The following EIF2AK2 variants were observed in gnomAD, a reference collection of about 807,000 sequenced individuals.
EIF2AK2 encodes the protein interferon-induced, double-stranded RNA-activated protein kinase.
Under a neutral mutation model 70.5 loss-of-function variants are expected in EIF2AK2, and 40 were observed. The observed-to-expected ratio is 0.57, with a 90% CI of 0.44 to 0.74. The LOEUF (loss-of-function observed/expected upper bound fraction) is 0.74, where lower values mean the gene tolerates loss of function less well. Ranked by LOEUF, EIF2AK2 falls within the 30% of genes least tolerant of loss-of-function variation. EIF2AK2 has a pLI of 0.00. For synonymous variants in EIF2AK2, 198 were observed against 220.9 expected (o/e 0.90, Z 0.92); for missense variants, 555 against 644.3 (o/e 0.86, Z 1.50).
At chr2:37,155,518 G>A (rs1675891080) in intron 1 of EIF2AK2, among the ~76,000 whole-genome samples, 1 of 152,092 alleles carries the variant, frequency 6.6e-6, no homozygotes, top group African/African-American at 2.4e-5. Flanking sequence ...TGATGCTGGA[G>A]GGTCAGCTAG....
chr2:37,113,498 C>CAAAAAAAAAAAAAAA (rs61174879), intron 14 of EIF2AK2, among the ~76,000 whole-genome samples: 1 of 33,056 alleles, frequency 3.0e-5, no homozygotes, highest in Non-Finnish European at 5.4e-5. Flanking sequence ...AACTCCATCT[C>CAAAAAAAAAAAAAAA]AAAAAAAAAA....
intron 11 of EIF2AK2, among the ~76,000 whole-genome samples, chr2:37,124,128 T>C (rs115474632): frequency 0.01 from 1,533 of 150,216 alleles, 22 homozygotes; most frequent in African/African-American, 0.034. Context: ...CCACCACACT[T>C]GGCTAGTTTT....
intron 13 of EIF2AK2, among the ~76,000 whole-genome samples, chr2:37,119,468 G>A (rs528767341): frequency 2.6e-5 from 4 of 152,204 alleles, no homozygotes; most frequent in South Asian, 4.1e-4. Flanking sequence ...CAGCCAGTTG[G>A]CTGTGCCAGT....
Position 37,146,875 on chromosome 2 carries a change from T to C in EIF2AK2, c.218A>G (p.Glu73Gly). The C allele has an allele frequency of 6.2e-7, 1 of 1,613,890 alleles. No homozygotes were observed. The change falls in exon 4 of 17, where the codon GAG (glutamate) becomes GGG (glycine). Residue 73 changes from glutamate (E) to glycine (G), a missense_variant. Transcript: ENST00000233057. The part of the protein sequence containing the change: ...AKNAAAKLAV[E>G]ILNKEKKAVS... ...CACCTTCTTTTCCTTATTAAGTATC[T>C]CAACAGCTAATTTGGCTGCGGCATT...
chr2:37,122,769 C>T (rs1674600682), intron 11 of EIF2AK2, 105 bp from the exon 12 acceptor site: 6 of 1,422,828 alleles, frequency 4.2e-6, no homozygotes, highest in Admixed American at 2.1e-5. Context: ...CTTATTAAAC[C>T]ATTGCTGTGG....
rs149392687 is a variant in EIF2AK2, at chr2:37,123,973, C to A, written c.909-1309G>T. On this transcript the variant is annotated intron_variant, in intron 11 of 16. Transcript: ENST00000233057. ...TCCTAAAATAATGTTATTTTAGATT[C>A]TTCCTTTTTTTTTTGAGACAGGGTC... Among the ~76,000 whole-genome samples, 598 of 150,804 alleles carry A rather than the reference C, an allele frequency of 4.0e-3. 5 individuals are homozygous for A. The highest frequency in any genetic ancestry group is 0.014 in the African/African-American group (571 of 40,548).
chr2:37,111,921 A>ATCTCTC (rs71396206), intron 14 of EIF2AK2, among the ~76,000 whole-genome samples: 6 of 107,828 alleles, frequency 5.6e-5, no homozygotes, highest in East Asian at 2.6e-4. Context: ...ATCATAATAA[A>ATCTCTC]TCTCTCTCTC....
At chr2:37,155,013 T>C (rs1675875765) in intron 1 of EIF2AK2, among the ~76,000 whole-genome samples, 1 of 152,088 alleles carries the variant, frequency 6.6e-6, no homozygotes, top group Admixed American at 6.6e-5. Flanking sequence ...GGCCCGGTCC[T>C]TAGACTTGCT....
rs555792749 is a variant in EIF2AK2 at position 37,111,230 on chromosome 2, G to A, written c.1378-1935C>T. On this transcript the variant is annotated intron_variant, in intron 14 of 16. Transcript: ENST00000233057. ...TAATCTGTGGATGTATGGTGGTGAT[G>A]AAAGCACAACAATGTGAACACATTT... Among the ~76,000 whole-genome samples the A allele has an allele frequency of 5.3e-5, 8 of 152,122 alleles. No homozygotes were observed. The East Asian group carries it at 1.5e-3, about 29-fold the overall frequency.
At chr2:37,119,915 T>C in intron 13 of EIF2AK2, 44 bp downstream of exon 13, 6 of 1,073,156 alleles carry the variant, frequency 5.6e-6, no homozygotes, top group Non-Finnish European at 7.2e-6. Context: ...TTAAAATTAC[T>C]ATATTATATA....
Position 37,137,010 on chromosome 2 carries a change from A to C in EIF2AK2, c.695T>G (p.Leu232Arg). ...LNSSSLLMNG[L>R]RNNQRKAKRS... ...TTTTGCCTTCCTTTGATTATTTCTGAGACCATTCTATAACAAAAGAAAATG... is the reference window on the plus strand; with the variant it reads ...TTTTGCCTTCCTTTGATTATTTCTGCGACCATTCTATAACAAAAGAAAATG... Residue 232 changes from leucine to arginine, a missense_variant, in exon 9 of 17, where the codon CTC becomes CGC. Coordinates refer to ENST00000233057, the MANE Select transcript of EIF2AK2 (RefSeq NM_001135651.3). The C allele has an allele frequency of 6.2e-7, 1 of 1,604,300 alleles. No homozygotes were observed. Among genetic ancestry groups the C allele is most frequent in the East Asian group, 2.2e-5 (1 of 44,606 alleles).
Position 37,107,531 on chromosome 2 carries a change from G to C in EIF2AK2, c.1480-4C>G, listed in dbSNP as rs762722961. 1 of 1,584,898 alleles carries C rather than the reference G, an allele frequency of 6.3e-7. No homozygotes were observed. Among genetic ancestry groups the C allele is most frequent in the Admixed American group, 1.8e-5 (1 of 54,916 alleles). On this transcript the variant is annotated splice_polypyrimidine_tract_variant and splice_region_variant and intron_variant, in intron 15 of 16. Transcript: ENST00000233057. Reference sequence around the variant, plus strand: ...CATCCCGTAGGTCTGTGAAAAACTGGAAAAAAAAATGATAGGTGTATATTA... The same window carrying C: ...CATCCCGTAGGTCTGTGAAAAACTGCAAAAAAAAATGATAGGTGTATATTA...
chr2:37,117,526 G>A (rs572327677), intron 13 of EIF2AK2, among the ~76,000 whole-genome samples: 1 of 152,286 alleles, frequency 6.6e-6, no homozygotes, highest in African/African-American at 2.4e-5. Flanking sequence ...AACAGAGTGA[G>A]ACCTTGTAAA....
At chr2:37,132,734 A>G (rs1674991046) in intron 10 of EIF2AK2, among the ~76,000 whole-genome samples, 1 of 152,198 alleles carries the variant, frequency 6.6e-6, no homozygotes, top group Non-Finnish European at 1.5e-5. Flanking sequence ...TTTTCCATCA[A>G]TGCTCTATTT....
chr2:37,127,807 A>G (rs1196971316), intron 10 of EIF2AK2, among the ~76,000 whole-genome samples: 1 of 147,390 alleles, frequency 6.8e-6, no homozygotes. Flanking sequence ...CAGTGGTGCG[A>G]TCTCCGCTCA....
intron 11 of EIF2AK2, among the ~76,000 whole-genome samples, chr2:37,125,025 T>C (rs549703237): frequency 2.6e-5 from 4 of 152,160 alleles, no homozygotes; most frequent in African/African-American, 9.6e-5. Flanking sequence ...TTTTTATTTT[T>C]TTTTGAGAGG....
chr2:37,111,779 G>A (rs1247766612), intron 14 of EIF2AK2, among the ~76,000 whole-genome samples: 6 of 145,800 alleles, frequency 4.1e-5, no homozygotes, highest in African/African-American at 1.5e-4. Context: ...GATCACCTGA[G>A]CCAAGGAGGT....
rs775569511 is a variant in EIF2AK2, at chr2:37,139,657, G to T, written c.490C>A (p.Gln164Lys). 5.3e-5 allele frequency: 85 copies of T among 1,613,858 alleles called. 1 individual carries two copies. In the South Asian group the frequency reaches 9.0e-4, roughly 17 times the overall value. Residue 164 changes from glutamine to lysine, a missense_variant, in exon 6 of 17, where the codon CAG (glutamine) becomes AAG (lysine). By Grantham distance (53) the Gln-to-Lys change is moderately conservative. Coordinates refer to ENST00000233057, the MANE Select transcript of EIF2AK2 (RefSeq NM_001135651.3). The stretch of plus-strand genomic sequence containing the variant: ...ACTGAGGTTTCTTCTGATAATATCT[G>T]AAGATATGCAAGTTTAGCGGCCAAT... ...KQLAAKLAYL[Q>K]ILSEETSVKS...
Position 37,114,872 on chromosome 2 carries a change from A to G in EIF2AK2, c.1249-13T>C, listed in dbSNP as rs1674281857. ...ATATATTACTTGGCTATGAAAAAAAAAAATTTAACTTACATGTACCAACTT... is the reference window on the plus strand; with the variant it reads ...ATATATTACTTGGCTATGAAAAAAAGAAATTTAACTTACATGTACCAACTT... On this transcript the variant is annotated splice_polypyrimidine_tract_variant and intron_variant, in intron 13 of 16. Transcript: ENST00000233057. The G allele has an allele frequency of 1.3e-6, 2 of 1,528,394 alleles. No homozygotes were observed. Among genetic ancestry groups the G allele is most frequent in the East Asian group, 4.6e-5 (2 of 43,172 alleles). The allele number at this position is 1,528,394 out of a possible 1,614,324, so 94.7% of individuals were successfully genotyped here. A position where few individuals can be genotyped will look rare whatever the true frequency, so the allele number is the denominator to read the frequency against.
Sources: gnomAD v4.1 joint callset for allele counts (sites outside exome capture counted in the v4.1 genomes callset) on GRCh38, gnomAD v4.1.1 for gene constraint, MANE v1.5 for transcripts, NCBI Gene and HGNC (gene_info 2026-07-23, HGNC 2026-07-21) for gene names.